Variants in MROH2B observed in about 807,000 individuals in gnomAD.
MROH2B encodes the protein maestro heat-like repeat-containing protein family member 2B.
A neutral mutation model predicts 208.6 loss-of-function variants in MROH2B; 177 were observed. The observed-to-expected ratio is 0.85, with a 90% confidence interval of 0.75 to 0.96. The LOEUF is 0.96. Among genes scored for constraint, MROH2B ranks in the 40% least tolerant of loss-of-function variants. The pLI is 0.00. For missense variants in MROH2B, 2,002 were observed against 1,878.7 expected (o/e 1.07, Z -1.21); for synonymous variants, 728 against 659.0 (o/e 1.10, Z -1.60).
rs1743976036 is a variant in MROH2B, at chr5:41,071,045, A to T, written c.-193T>A. The T allele has an allele frequency of 1.7e-6, 1 of 585,764 alleles. No homozygotes were observed. Among genetic ancestry groups the T allele is most frequent in the Non-Finnish European group, 3.0e-6 (1 of 330,868 alleles). The allele number at this position is 585,764 out of a possible 1,614,324, so 36.3% of individuals were successfully genotyped here. The stretch of plus-strand genomic sequence containing the variant: ...AGAGATGGGCTTGCTGTTGAAGTTG[A>T]TACTGTATTCTACCACTATGACATT... On this transcript the variant is annotated 5_prime_UTR_variant, in exon 1 of 42. Coordinates refer to ENST00000399564, the MANE Select transcript of MROH2B (RefSeq NM_173489.5).
intron 27 of MROH2B, 110 bp from the exon 28 acceptor site, chr5:41,018,080 A>G (rs1742015630): frequency 7.2e-7 from 1 of 1,387,706 alleles, no homozygotes; most frequent in African/African-American, 1.5e-5. Context: ...GGTCCTTAGA[A>G]TGAAATTTGA....
At chr5:41,037,976 T>C (rs1742816609) in intron 21 of MROH2B, among the ~76,000 whole-genome samples, 1 of 152,162 alleles carries the variant, frequency 6.6e-6, no homozygotes, top group African/African-American at 2.4e-5. Context: ...GAAGACAGAA[T>C]GATCAGATAA....
At chr5:41,007,207 C>T in intron 34 of MROH2B, 107 bp downstream of exon 34, 1 of 1,130,840 alleles carries the variant, frequency 8.8e-7, no homozygotes, top group Non-Finnish European at 1.2e-6. Context: ...ACTATTAGTC[C>T]TAAGTGAATC....
At chr5:41,063,841 C>G (rs139566092) in intron 5 of MROH2B, among the ~76,000 whole-genome samples, 3 of 152,244 alleles carry the variant, frequency 2.0e-5, no homozygotes, top group Non-Finnish European at 2.9e-5. Context: ...AACACTGCTT[C>G]CTAGGAATTC....
At chr5:41,069,888 A>G (rs1222666678) in intron 1 of MROH2B, 136 bp from the exon 2 acceptor site, 4 of 650,808 alleles carry the variant, frequency 6.1e-6, no homozygotes, top group Non-Finnish European at 1.1e-5. Flanking sequence ...TAGCTCTTTG[A>G]TGGCAGGAAC....
chr5:41,021,813 G>A (rs529937802), intron 24 of MROH2B, among the ~76,000 whole-genome samples: 100 of 152,128 alleles, frequency 6.6e-4, no homozygotes, highest in Non-Finnish European at 1.2e-3. Context: ...GGAGGTCAAG[G>A]TGCAGTAAGC....
chr5:40,998,334 T>C (rs906574736), intron 41 of MROH2B, among the ~76,000 whole-genome samples, 176 bp from the exon 42 acceptor site: 8 of 152,188 alleles, frequency 5.3e-5, no homozygotes, highest in African/African-American at 2.4e-5. Flanking sequence ...GAAATGATTT[T>C]AACATTGAAA....
At chr5:41,069,268 A>C (rs1161886292) in intron 2 of MROH2B, among the ~76,000 whole-genome samples, 1 of 152,180 alleles carries the variant, frequency 6.6e-6, no homozygotes, top group African/African-American at 2.4e-5. Flanking sequence ...TTATTTTATA[A>C]AAGGTTGTTG....
At chr5:41,046,478 T>C (rs1743124078) in intron 17 of MROH2B, among the ~76,000 whole-genome samples, 1 of 151,872 alleles carries the variant, frequency 6.6e-6, no homozygotes, top group South Asian at 2.1e-4. Flanking sequence ...TTGCAATATA[T>C]ATATTATCTC....
intron 29 of MROH2B, among the ~76,000 whole-genome samples, chr5:41,013,678 G>T (rs1741845608): frequency 6.6e-6 from 1 of 152,194 alleles, no homozygotes; most frequent in South Asian, 2.1e-4. Context: ...ATGCTTGCCG[G>T]TTGTCCAAGC....
Position 41,054,785 on chromosome 5 carries a change from C to T in MROH2B, c.1089G>A (p.Met363Ile). The T allele has an allele frequency of 1.9e-6, 3 of 1,611,278 alleles. No homozygotes were observed. Among genetic ancestry groups the T allele is most frequent in the African/African-American group, 1.3e-5 (1 of 74,936 alleles). ...ISIERTVKIV[M>I]GDLSTKVRNS... ...CTCTTACTTTTGTACTGAGATCACCCATGACGATTTTGACTGTTCTTTCTA... is the reference window on the plus strand; with the variant it reads ...CTCTTACTTTTGTACTGAGATCACCTATGACGATTTTGACTGTTCTTTCTA... Residue 363 changes from methionine to isoleucine, a missense_variant, in exon 11 of 42, where the codon ATG becomes ATA. Met to Ile is a conservative substitution (Grantham distance 10, BLOSUM62 1). Transcript: ENST00000399564.
intron 37 of MROH2B, among the ~76,000 whole-genome samples, chr5:41,002,251 AG>A (rs1350363069): frequency 6.6e-6 from 1 of 152,214 alleles, no homozygotes; most frequent in East Asian, 1.9e-4. Context: ...AAAATCAGAA[AG>A]AAAAAGTGGC....
At chr5:41,008,847 C>T in intron 32 of MROH2B, 54 bp from the exon 33 acceptor site, 1 of 1,526,334 alleles carries the variant, frequency 6.6e-7, no homozygotes, top group East Asian at 2.4e-5. Context: ...CCAAGGCCAT[C>T]TTCTCTCTGG....
chr5:40,998,748 AG>A, intron 40 of MROH2B, 71 bp from the exon 41 acceptor site: 1 of 1,320,346 alleles, frequency 7.6e-7, no homozygotes, highest in Non-Finnish European at 1.1e-6. Context: ...ATAGCAGGTT[AG>A]ACTCTGCACC....
chr5:41,013,073 G>A (rs945095294), intron 29 of MROH2B, among the ~76,000 whole-genome samples: 2 of 152,188 alleles, frequency 1.3e-5, no homozygotes, highest in African/African-American at 4.8e-5. Flanking sequence ...ACATTATAAA[G>A]TCCTTTTACA....
chr5:41,005,416 C>CCCCCA (rs1741548461), intron 35 of MROH2B, 115 bp downstream of exon 35: 38 of 188,516 alleles, frequency 2.0e-4, no homozygotes, highest in South Asian at 3.4e-4. Flanking sequence ...CTATGAAACC[C>CCCCCA]CCCCCCCCCT....
intron 4 of MROH2B, 36 bp downstream of exon 4, chr5:41,065,295 T>A: frequency 6.4e-7 from 1 of 1,574,136 alleles, no homozygotes; most frequent in Non-Finnish European, 8.6e-7. Flanking sequence ...GAAGTTGTCA[T>A]TTCCCAGGGA....
chr5:41,029,350 T>C (rs1742486747), intron 24 of MROH2B, among the ~76,000 whole-genome samples: 1 of 152,200 alleles, frequency 6.6e-6, no homozygotes, highest in Non-Finnish European at 1.5e-5. Flanking sequence ...TTGTATGAAT[T>C]CTTTTTAATT....
intron 18 of MROH2B, among the ~76,000 whole-genome samples, chr5:41,043,729 A>G (rs1201771539): frequency 6.6e-6 from 1 of 152,142 alleles, no homozygotes; most frequent in Non-Finnish European, 1.5e-5. Context: ...AGCTCCTTCA[A>G]TCAAGAAAGG....
Sources: gnomAD v4.1 joint callset for allele counts (sites outside exome capture counted in the v4.1 genomes callset) on GRCh38, gnomAD v4.1.1 for gene constraint, MANE v1.5 for transcripts, NCBI Gene and HGNC (gene_info 2026-07-23, HGNC 2026-07-21) for gene names.